Variants in CFAP61 observed in about 807,000 individuals in gnomAD.
CFAP61 encodes cilia- and flagella-associated protein 61.
A neutral mutation model predicts 135.6 loss-of-function variants in CFAP61; 107 were observed. The observed-to-expected ratio is 0.79, with a 90% CI of 0.67 to 0.93. The LOEUF (loss-of-function observed/expected upper bound fraction) is 0.93, where lower values mean the gene tolerates loss of function less well. CFAP61 is among the 40% of genes least tolerant of loss of function. The pLI is 0.00. For missense variants in CFAP61, 1,507 were observed against 1,556.2 expected, an observed-to-expected ratio of 0.97 and a Z score of 0.53; for synonymous variants, 575 against 578.5, an observed-to-expected ratio of 0.99 and a Z score of 0.09.
At chr20:20,159,311 G>A (rs911175578) in intron 9 of CFAP61, 59 bp from the exon 10 acceptor site, 32 of 1,530,308 alleles carry the variant, frequency 2.1e-5, no homozygotes, top group Non-Finnish European at 2.7e-5. Flanking sequence ...TCCAGAGCTT[G>A]GACTCTAAAC....
At chr20:20,137,218 C>T (rs2050999816) in intron 8 of CFAP61, among the ~76,000 whole-genome samples, 1 of 152,242 alleles carries the variant, frequency 6.6e-6, no homozygotes, top group East Asian at 1.9e-4. Context: ...TAAGGCAGCA[C>T]AGCCATGGGT....
At chr20:20,198,467 A>G (rs1315478307) in intron 16 of CFAP61, among the ~76,000 whole-genome samples, 1 of 152,226 alleles carries the variant, frequency 6.6e-6, no homozygotes, top group East Asian at 1.9e-4. Flanking sequence ...TGTAGCCTCT[A>G]AAAACATGCT....
At chr20:20,069,732 T>C (rs2045571840) in intron 2 of CFAP61, 1 of 456,262 alleles carries the variant, frequency 2.2e-6, no homozygotes, top group African/African-American at 2.0e-5. Context: ...TTATTTTTTC[T>C]CTTCTTGCTT....
At chr20:20,201,129 A>T in intron 17 of CFAP61, 1 of 242,366 alleles carries the variant, frequency 4.1e-6, no homozygotes, top group Non-Finnish European at 6.6e-6. Flanking sequence ...GGAAAACAAG[A>T]TTAGAAAGCA....
At chr20:20,052,814 G>C (rs2043852365) in intron 1 of CFAP61, 15 of 1,288,672 alleles carry the variant, frequency 1.2e-5, no homozygotes, top group Admixed American at 2.7e-5. Context: ...AGCATGCGAC[G>C]GGGCGAGCTG....
intron 13 of CFAP61, among the ~76,000 whole-genome samples, chr20:20,181,617 A>G (rs2055105500): frequency 1.3e-5 from 2 of 152,008 alleles, no homozygotes; most frequent in Admixed American, 6.6e-5. Context: ...CAGAGAGAGA[A>G]AGCATAAGAG....
At chr20:20,067,644 A>AATATAT (rs71988476) in intron 2 of CFAP61, among the ~76,000 whole-genome samples, 47 of 129,876 alleles carry the variant, frequency 3.6e-4, no homozygotes, top group Admixed American at 9.2e-4. Context: ...TCCATCTCAA[A>AATATAT]ATATATATAT....
intron 8 of CFAP61, among the ~76,000 whole-genome samples, chr20:20,112,129 C>T (rs1168799798): frequency 6.6e-6 from 1 of 152,092 alleles, no homozygotes; most frequent in Non-Finnish European, 1.5e-5. Context: ...GATTAATGAT[C>T]TGATGAGAGT....
At chr20:20,355,763 T>A (rs1162929402) in intron 26 of CFAP61, among the ~76,000 whole-genome samples, 1 of 117,618 alleles carries the variant, frequency 8.5e-6, no homozygotes, top group Non-Finnish European at 1.7e-5. Flanking sequence ...TGAGCAGAGA[T>A]GGTCACACTG....
chr20:20,166,352 C>T (rs1185118831), intron 11 of CFAP61, 45 bp from the exon 12 acceptor site: 2 of 1,552,902 alleles, frequency 1.3e-6, no homozygotes, highest in African/African-American at 1.4e-5. Flanking sequence ...ACTGATGTTG[C>T]ATTTGCTTGC....
intron 1 of CFAP61, among the ~76,000 whole-genome samples, chr20:20,055,218 A>T (rs1479608613): frequency 6.6e-6 from 1 of 152,126 alleles, no homozygotes; most frequent in East Asian, 1.9e-4. Context: ...TATTATAAAC[A>T]TACTTAGTTT....
chr20:20,124,106 T>G (rs1422095954), intron 8 of CFAP61, among the ~76,000 whole-genome samples: 2 of 151,460 alleles, frequency 1.3e-5, no homozygotes, highest in Non-Finnish European at 2.9e-5. Flanking sequence ...GAAGGTTTGC[T>G]GAATTCTTTT....
intron 8 of CFAP61, among the ~76,000 whole-genome samples, chr20:20,111,186 T>C (rs1196539199): frequency 6.6e-6 from 1 of 152,214 alleles, no homozygotes; most frequent in Non-Finnish European, 1.5e-5. Flanking sequence ...TTTCATTAAA[T>C]TTGGTTTGAT....
chr20:20,090,829 C>T lies in CFAP61; in HGVS notation c.567-15C>T. 2 of 1,613,522 alleles carry T rather than the reference C, an allele frequency of 1.2e-6. No individual in the cohort carries two copies. The highest frequency in any genetic ancestry group is 1.7e-6 in the Non-Finnish European group (2 of 1,179,616). On this transcript the variant is annotated splice_polypyrimidine_tract_variant and intron_variant, in intron 6 of 26. Coordinates refer to ENST00000245957, the MANE Select transcript of CFAP61 (RefSeq NM_015585.4). Reference sequence around the variant, plus strand: ...GAGTGAACGAACACTGAACTTCAGCCTTTCTATTAAACAGGGTGGAAGACC... The same window carrying T: ...GAGTGAACGAACACTGAACTTCAGCTTTTCTATTAAACAGGGTGGAAGACC...
intron 17 of CFAP61, among the ~76,000 whole-genome samples, chr20:20,218,815 G>A (rs865930168): frequency 2.0e-5 from 3 of 152,212 alleles, no homozygotes; most frequent in African/African-American, 7.2e-5. Flanking sequence ...CTCTGCTAAA[G>A]TTTTGGTGGT....
At chr20:20,191,253 G>C in intron 14 of CFAP61, 89 bp from the exon 15 acceptor site, 1 of 1,033,488 alleles carries the variant, frequency 9.7e-7, no homozygotes, top group East Asian at 2.5e-5. Context: ...GTTGTTATGT[G>C]AACGTGGTTA....
rs190134765 is a variant in CFAP61, at chr20:20,110,319, T to C, written c.859+11505T>C. ...TATATAATACTATGTATAAACTGGT[T>C]TGGTGGTTGTTAAGCTCTTCATTTC... On this transcript the variant is annotated intron_variant, in intron 8 of 26. Transcript: ENST00000245957. 2.9e-4 allele frequency among the ~76,000 whole-genome samples: 44 copies of C among 151,976 alleles called. No individual in the cohort carries two copies. In the East Asian group the frequency reaches 7.5e-3, roughly 26 times the overall value.
chr20:20,068,383 A>G (rs1219379002), intron 2 of CFAP61, among the ~76,000 whole-genome samples: 1 of 152,202 alleles, frequency 6.6e-6, no homozygotes, highest in Non-Finnish European at 1.5e-5. Flanking sequence ...TTACAGGTAG[A>G]CGGAAGTTAA....
chr20:20,269,175 G>T (rs1321465467), intron 21 of CFAP61, among the ~76,000 whole-genome samples: 1 of 58,812 alleles, frequency 1.7e-5, no homozygotes, highest in African/African-American at 5.3e-5. Flanking sequence ...ATACATATAT[G>T]TATATACACA....
Sources: gnomAD v4.1 joint callset for allele counts (sites outside exome capture counted in the v4.1 genomes callset) on GRCh38, gnomAD v4.1.1 for gene constraint, MANE v1.5 for transcripts, NCBI Gene and HGNC (gene_info 2026-07-23, HGNC 2026-07-21) for gene names.